The following CTBP2 variants were observed in gnomAD, a reference collection of about 807,000 sequenced individuals.
CTBP2 encodes C-terminal-binding protein 2.
CTBP2 carries 30 observed loss-of-function variants against 80.3 expected under a neutral mutation model. That is an observed-to-expected ratio of 0.37 (90% CI 0.28 to 0.51). CTBP2 has a LOEUF of 0.51. CTBP2 is among the 20% of genes least tolerant of loss of function. The pLI is 0.93. For missense variants in CTBP2, 1,212 were observed against 1,375.3 expected, an observed-to-expected ratio of 0.88 and a Z score of 1.88; for synonymous variants, 594 against 587.4, an observed-to-expected ratio of 1.01 and a Z score of -0.16.
chr10:125,125,664 T>G (rs1233378214), intron 1 of CTBP2, among the ~76,000 whole-genome samples: 2 of 152,226 alleles, frequency 1.3e-5, no homozygotes, highest in African/African-American at 4.8e-5. Flanking sequence ...ATAGAGTGAA[T>G]GGGACACTCA....
chr10:125,003,626 T>C (rs1954841189), intron 1 of CTBP2, 134 bp from the exon 4 acceptor site: 11 of 592,628 alleles, frequency 1.9e-5, no homozygotes, highest in South Asian at 2.7e-5. Context: ...GGGCACCGCC[T>C]CCACCTGCAT....
intron 2 of CTBP2, among the ~76,000 whole-genome samples, chr10:125,100,406 G>A (rs1282650249): frequency 1.3e-5 from 2 of 152,190 alleles, no homozygotes; most frequent in Non-Finnish European, 2.9e-5. Context: ...TAATTCCACT[G>A]TTCCGCTCAT....
intron 1 of CTBP2, among the ~76,000 whole-genome samples, chr10:125,016,879 A>G (rs1245693602): frequency 6.6e-6 from 1 of 152,250 alleles, no homozygotes; most frequent in Non-Finnish European, 1.5e-5. Context: ...TTATTCCTTC[A>G]TATAAAAAGC....
intron 3 of CTBP2, 143 bp from the exon 6 acceptor site, chr10:124,998,313 G>A: frequency 1.1e-5 from 10 of 877,612 alleles, no homozygotes; most frequent in Non-Finnish European, 1.6e-5. Context: ...GCGGGGCTGG[G>A]CACGTGGGCG....
chr10:125,158,990 G>A (rs1055977874), intron 1 of CTBP2, among the ~76,000 whole-genome samples: 77 of 151,650 alleles, frequency 5.1e-4, no homozygotes, highest in Middle Eastern at 6.9e-3. Context: ...CCCAGGGCGC[G>A]GCGTGGGCTG....
intron 1 of CTBP2, among the ~76,000 whole-genome samples, chr10:125,116,753 C>T (rs897781715): frequency 1.3e-5 from 2 of 152,196 alleles, no homozygotes; most frequent in East Asian, 1.9e-4. Flanking sequence ...AGTCCCTGAG[C>T]GGATGGCATG....
intron 2 of CTBP2, among the ~76,000 whole-genome samples, chr10:125,098,677 A>G: frequency 8.1e-6 from 1 of 122,992 alleles, no homozygotes; most frequent in Non-Finnish European, 1.7e-5. Context: ...AGAGAGAGAG[A>G]GAGAGAGAGA....
intron 1 of CTBP2, among the ~76,000 whole-genome samples, chr10:125,012,960 AC>A (rs1190846759): frequency 6.6e-6 from 1 of 152,178 alleles, no homozygotes; most frequent in East Asian, 1.9e-4. Flanking sequence ...AGTCGTCAAA[AC>A]CAGGACTGGC....
At chr10:124,992,209 CTTTT>C (rs61400691) in intron 8 of CTBP2, among the ~76,000 whole-genome samples, 3 of 102,508 alleles carry the variant, frequency 2.9e-5, no homozygotes, top group Admixed American at 2.7e-4. Context: ...TTGAGAAGCC[CTTTT>C]TTTTTTTTTT....
chr10:125,032,076 CTCTTGCACTGCCCATTTTGAAAG>C (rs534510277), upstream of CTBP2, among the ~76,000 whole-genome samples: 116 of 152,224 alleles, frequency 7.6e-4, no homozygotes, highest in African/African-American at 2.7e-3. Flanking sequence ...CAAGCCCATT[CTCTTGCACTGCCCATTTTGAAAG>C]TGTTGGTGGA....
intron 1 of CTBP2, among the ~76,000 whole-genome samples, chr10:125,133,344 C>T (rs1426012263): frequency 1.3e-5 from 2 of 152,188 alleles, no homozygotes; most frequent in Non-Finnish European, 2.9e-5. Flanking sequence ...CTCCTCAGAC[C>T]TGCTCACCTG....
rs184650207 is a variant in CTBP2 at position 125,059,453 on chromosome 10, A to G, written c.-101-20298T>C. 1.9e-3 allele frequency among the ~76,000 whole-genome samples: 286 copies of G among 152,216 alleles called. 3 individuals are homozygous for G. The highest frequency in any genetic ancestry group is 0.014 in the South Asian group (68 of 4,824). ...AAAAATTAGCCGGGTGTGGTGGTGC[A>G]CGCCTGTAATCCCAGCTACTCGGGA... On this transcript the variant is annotated intron_variant, in intron 2 of 10. Transcript: ENST00000337195.
intron 1 of CTBP2, among the ~76,000 whole-genome samples, chr10:125,134,771 T>C (rs1261975265): frequency 1.2e-4 from 18 of 152,010 alleles, no homozygotes; most frequent in Non-Finnish European, 2.9e-5. Context: ...TACAGATGCG[T>C]GTGGCCAGGC....
chr10:125,123,533 T>C (rs1185769164), intron 1 of CTBP2, among the ~76,000 whole-genome samples: 1 of 152,232 alleles, frequency 6.6e-6, no homozygotes, highest in Non-Finnish European at 1.5e-5. Context: ...ATTTGTCATT[T>C]TTTGGTTTAT....
intron 3 of CTBP2, among the ~76,000 whole-genome samples, chr10:125,036,705 GTGTGTGTGTGTT>G (rs1564769869): frequency 4.9e-4 from 49 of 99,186 alleles, no homozygotes; most frequent in African/African-American, 2.3e-3. Flanking sequence ...GTGTGTGTGT[GTGTGTGTGTGTT>G]TGTGTGTGTT....
intron 1 of CTBP2, among the ~76,000 whole-genome samples, chr10:125,012,021 G>T (rs1310405124): frequency 6.6e-6 from 1 of 152,246 alleles, no homozygotes; most frequent in Non-Finnish European, 1.5e-5. Flanking sequence ...ACCCCACCCA[G>T]CCTGTGTGAA....
chr10:125,113,502 C>T (rs976041728), intron 1 of CTBP2, among the ~76,000 whole-genome samples: 23 of 152,168 alleles, frequency 1.5e-4, no homozygotes, highest in South Asian at 4.1e-4. Context: ...TGCTTGTCTT[C>T]GTATGTCACA....
intron 1 of CTBP2, among the ~76,000 whole-genome samples, chr10:125,134,620 G>A (rs1037641237): frequency 4.6e-5 from 7 of 152,278 alleles, no homozygotes; most frequent in African/African-American, 1.2e-4. Flanking sequence ...AGGCTGGCAG[G>A]CCCCTCCTTT....
rs749904345 is a variant in CTBP2 at position 125,027,419 on chromosome 10, G to A, written c.341C>T (p.Pro114Leu). 16 of 1,613,890 alleles carry A rather than the reference G, an allele frequency of 9.9e-6. No homozygotes were observed. The highest frequency in any genetic ancestry group is 5.5e-5 in the South Asian group (5 of 91,086). The change falls in exon 1 of 9, where the codon CCG becomes CTG. Residue 114 changes from proline (P) to leucine (L), a missense_variant. Pro to Leu is a moderately conservative substitution (Grantham distance 98). Transcript: ENST00000309035. Reference sequence around the variant, plus strand: ...TTTGGGTACCCTAGCAGCTCCAGACGGATCACTGTAGTACTCCCGTGGCAG... The same window carrying A: ...TTTGGGTACCCTAGCAGCTCCAGACAGATCACTGTAGTACTCCCGTGGCAG...
Sources: allele counts gnomAD v4.1 joint callset (sites outside exome capture counted in the v4.1 genomes callset), GRCh38; gene constraint gnomAD v4.1.1; transcripts MANE v1.5; gene names NCBI Gene and HGNC (gene_info 2026-07-23, HGNC 2026-07-21).